The following WASL variants were observed in gnomAD, a reference collection of about 807,000 sequenced individuals.
WASL encodes WASP like actin nucleation promoting factor.
Under a neutral mutation model 55.5 loss-of-function variants are expected in WASL, and 20 were observed. The observed-to-expected ratio is 0.36, with a 90% CI of 0.25 to 0.52. The LOEUF is 0.52. Ranked by LOEUF, WASL falls within the 20% of genes least tolerant of loss-of-function variation. WASL has a pLI of 0.92. For synonymous variants in WASL, 249 were observed against 217.6 expected, an observed-to-expected ratio of 1.14 and a Z score of -1.27; for missense variants, 504 against 622.5, an observed-to-expected ratio of 0.81 and a Z score of 2.03.
At chr7:123,712,324 C>A (rs1225528580) in intron 1 of WASL, among the ~76,000 whole-genome samples, 1 of 152,132 alleles carries the variant, frequency 6.6e-6, no homozygotes, top group Non-Finnish European at 1.5e-5. Flanking sequence ...CTTGTACTTT[C>A]ACTCCACCTA....
intron 1 of WASL, among the ~76,000 whole-genome samples, chr7:123,724,019 C>T (rs943874556): frequency 5.3e-5 from 8 of 152,026 alleles, no homozygotes; most frequent in African/African-American, 1.7e-4. Context: ...AGTATATAAG[C>T]GAGATCTCAA....
intron 1 of WASL, among the ~76,000 whole-genome samples, chr7:123,714,940 C>T (rs1239275030): frequency 1.3e-5 from 2 of 151,988 alleles, no homozygotes; most frequent in East Asian, 3.9e-4. Flanking sequence ...GTAGACTCAT[C>T]AAAAAGACCC....
intron 10 of WASL, 24 bp downstream of exon 10, chr7:123,689,006 GTCTCTCTCTCTC>G (rs3035629): frequency 1.1e-4 from 139 of 1,279,072 alleles, no homozygotes; most frequent in African/African-American, 3.2e-4. Context: ...CACTCTCTCT[GTCTCTCTCTCTC>G]TCTCTCTCTC....
At chr7:123,715,523 A>G (rs369342397) in intron 1 of WASL, among the ~76,000 whole-genome samples, 46 of 152,358 alleles carry the variant, frequency 3.0e-4, no homozygotes, top group African/African-American at 1.1e-3. Context: ...ACTAAAAGAC[A>G]TAACCTATAA....
rs1197423701 is a variant in WASL at position 123,702,118 on chromosome 7, G to T, written c.460+2516C>A. Among the ~76,000 whole-genome samples the T allele has an allele frequency of 1.3e-5, 2 of 150,694 alleles. 1 individual carries two copies. Among genetic ancestry groups the T allele is most frequent in the African/African-American group, 4.9e-5 (2 of 40,886 alleles). On this transcript the variant is annotated intron_variant, in intron 5 of 10. Transcript: ENST00000223023. ...TGCCCAGGCTGGAGTGCAATGGTGT[G>T]ATCTCGGCTCACTTGCAACCTCCGC...
chr7:123,733,329 T>C (rs1804172041), intron 1 of WASL, among the ~76,000 whole-genome samples: 1 of 152,214 alleles, frequency 6.6e-6, no homozygotes, highest in Non-Finnish European at 1.5e-5. Context: ...CATACAAGGT[T>C]AATATGCAAA....
chr7:123,737,298 T>A (rs1282618256), intron 1 of WASL, among the ~76,000 whole-genome samples: 1 of 151,988 alleles, frequency 6.6e-6, no homozygotes, highest in Non-Finnish European at 1.5e-5. Flanking sequence ...ATTTAGTAAA[T>A]TATAAAAGCA....
At chr7:123,719,453 G>A (rs569350576) in intron 1 of WASL, among the ~76,000 whole-genome samples, 2 of 152,298 alleles carry the variant, frequency 1.3e-5, no homozygotes, top group Middle Eastern at 3.4e-3. Flanking sequence ...ATCTGGGAGG[G>A]AAGTCAGGCT....
chr7:123,731,857 AAAGG>A (rs1804142573), intron 1 of WASL, among the ~76,000 whole-genome samples: 1 of 152,184 alleles, frequency 6.6e-6, no homozygotes, highest in African/African-American at 2.4e-5. Context: ...CGAAACTAGA[AAAGG>A]AAGATCAAAT....
chr7:123,690,990 A>G (rs1280160559), intron 9 of WASL, among the ~76,000 whole-genome samples: 1 of 152,168 alleles, frequency 6.6e-6, no homozygotes, highest in Non-Finnish European at 1.5e-5. Flanking sequence ...GGGAAAGAGA[A>G]CAGAGATGAC....
chr7:123,684,795 G>C (rs1017318319), intron 10 of WASL, among the ~76,000 whole-genome samples: 1 of 151,866 alleles, frequency 6.6e-6, no homozygotes, highest in Non-Finnish European at 1.5e-5. Flanking sequence ...GAAGACAATG[G>C]TTCTAGTTCC....
At chr7:123,730,954 C>A (rs1804126880) in intron 1 of WASL, among the ~76,000 whole-genome samples, 1 of 152,078 alleles carries the variant, frequency 6.6e-6, no homozygotes, top group Admixed American at 6.6e-5. Flanking sequence ...TTCTCCTACC[C>A]CCCACCCTCA....
chr7:123,706,225 C>G, intron 4 of WASL, 52 bp downstream of exon 4: 1 of 1,503,848 alleles, frequency 6.6e-7, no homozygotes, highest in South Asian at 1.2e-5. Flanking sequence ...ACCACACTTG[C>G]CCCATGAGCA....
chr7:123,712,590 T>A (rs913333874), intron 1 of WASL, among the ~76,000 whole-genome samples: 11 of 152,192 alleles, frequency 7.2e-5, no homozygotes, highest in Admixed American at 3.9e-4. Flanking sequence ...ATAGAAGTTC[T>A]TTGTACTGTA....
chr7:123,694,063 AACTAC>A (rs1220756505), intron 8 of WASL, among the ~76,000 whole-genome samples: 1 of 152,246 alleles, frequency 6.6e-6, no homozygotes, highest in Non-Finnish European at 1.5e-5. Flanking sequence ...GCTTTTGCTT[AACTAC>A]ACTATTATGA....
intron 2 of WASL, among the ~76,000 whole-genome samples, chr7:123,707,730 A>G (rs140478068): frequency 6.6e-6 from 1 of 152,348 alleles, no homozygotes; most frequent in Non-Finnish European, 1.5e-5. Flanking sequence ...TGGTTATGAG[A>G]AATATGTCAA....
chr7:123,706,252 A>T, intron 4 of WASL, 25 bp downstream of exon 4: 1 of 1,605,932 alleles, frequency 6.2e-7, no homozygotes, highest in Non-Finnish European at 8.5e-7. Flanking sequence ...TGCTGGCCTG[A>T]TTTAAGTAAT....
chr7:123,706,677 T>G (rs1433297818), intron 3 of WASL, 63 bp downstream of exon 3: 2 of 1,180,256 alleles, frequency 1.7e-6, no homozygotes, highest in South Asian at 2.7e-5. Context: ...TATAAATAAT[T>G]TGGATTAGAA....
intron 1 of WASL, among the ~76,000 whole-genome samples, chr7:123,743,273 G>A (rs1287827904): frequency 1.3e-5 from 2 of 149,460 alleles, no homozygotes; most frequent in African/African-American, 5.0e-5. Context: ...GGAGGCCGAG[G>A]TTGCAGTGAG....
Sources: allele counts gnomAD v4.1 joint callset (sites outside exome capture counted in the v4.1 genomes callset), GRCh38; gene constraint gnomAD v4.1.1; transcripts MANE v1.5; gene names NCBI Gene and HGNC (gene_info 2026-07-23, HGNC 2026-07-21).